The following SORCS1 variants were observed in gnomAD, a reference collection of about 807,000 sequenced individuals.
SORCS1 encodes the protein VPS10 domain-containing receptor SorCS1.
Under a neutral mutation model 146.1 loss-of-function variants are expected in SORCS1, and 60 were observed. The ratio of observed to expected loss-of-function variants is 0.41; its 90% CI spans 0.33 to 0.51. The LOEUF is 0.51. Among genes scored for constraint, SORCS1 ranks in the 20% least tolerant of loss-of-function variants. The pLI, the probability that SORCS1 is intolerant of heterozygous loss-of-function variation, is 0.21. For missense variants in SORCS1, 1,352 were observed against 1,487.6 expected (o/e 0.91, Z 1.50); for synonymous variants, 637 against 584.0 (o/e 1.09, Z -1.31).
chr10:106,944,871 C>CTTTTTTTTTTTTTTTTTTTTTTTTTTT, intron 2 of SORCS1, among the ~76,000 whole-genome samples: 1 of 61,024 alleles, frequency 1.6e-5, no homozygotes, highest in South Asian at 5.8e-4. Flanking sequence ...AAGAAAGAGC[C>CTTTTTTTTTTTTTTTTTTTTTTTTTTT]TTCTTTTTTT....
At chr10:106,897,669 C>T (rs888954621) in intron 2 of SORCS1, among the ~76,000 whole-genome samples, 83 of 151,902 alleles carry the variant, frequency 5.5e-4, no homozygotes, top group African/African-American at 1.9e-3. Context: ...CTTCCCAACA[C>T]TCAAATTTCC....
In SORCS1 at chr10:106,777,687, C is replaced by A. The variant is rs17121490; in HGVS notation, c.727-995G>T. On this transcript the variant is annotated intron_variant, in intron 3 of 25. Coordinates refer to ENST00000263054, the MANE Select transcript of SORCS1 (RefSeq NM_052918.5). ...GCAATGGGATCAATCACAATAGCAG[C>A]AAGATGGAGGAGCTGCCTTCGAAAC... 1.2e-3 allele frequency among the ~76,000 whole-genome samples: 185 copies of A among 152,302 alleles called. 6 individuals are homozygous for A. The East Asian group carries it at 0.026, about 21-fold the overall frequency.
Position 106,577,408 on chromosome 10 carries a change from T to G in SORCS1, c.*12A>C. On this transcript the variant is annotated 3_prime_UTR_variant, in exon 26 of 26. Coordinates refer to ENST00000263054, the MANE Select transcript of SORCS1 (RefSeq NM_052918.5). The stretch of plus-strand genomic sequence containing the variant: ...TGATCAGCAGGTCGCCTGTAGCCTT[T>G]GGGGGTTTTCCTTAAATTGCATACT... 6.2e-7 allele frequency: 1 copy of G among 1,613,834 alleles called. No individual in the cohort carries two copies. Among genetic ancestry groups the G allele is most frequent in the Non-Finnish European group, 8.5e-7 (1 of 1,179,768 alleles).
intron 5 of SORCS1, among the ~76,000 whole-genome samples, chr10:106,735,443 A>C (rs186241934): frequency 1.1e-3 from 165 of 152,308 alleles, no homozygotes; most frequent in African/African-American, 3.8e-3. Context: ...GTGCTATTTG[A>C]AGACACAGGA....
chr10:107,021,078 T>C (rs544728271), intron 1 of SORCS1, among the ~76,000 whole-genome samples: 9 of 152,258 alleles, frequency 5.9e-5, no homozygotes, highest in Admixed American at 1.3e-4. Flanking sequence ...AGGGTTTGGG[T>C]GCACACATGA....
At chr10:107,072,507 T>A (rs1962519117) in intron 1 of SORCS1, among the ~76,000 whole-genome samples, 1 of 152,116 alleles carries the variant, frequency 6.6e-6, no homozygotes, top group African/African-American at 2.4e-5. Context: ...TTTCACTTAA[T>A]CTTCATAACA....
chr10:107,110,806 G>A (rs1965645220), intron 1 of SORCS1, among the ~76,000 whole-genome samples: 2 of 152,194 alleles, frequency 1.3e-5, no homozygotes, highest in Admixed American at 1.3e-4. Flanking sequence ...GGACCTGGAG[G>A]AAGTCACTCC....
chr10:106,723,415 A>ACACG (rs1220942240), intron 6 of SORCS1, among the ~76,000 whole-genome samples: 3 of 151,922 alleles, frequency 2.0e-5, no homozygotes, highest in Non-Finnish European at 4.4e-5. Flanking sequence ...ACACACACAC[A>ACACG]CACAGAATAT....
intron 3 of SORCS1, among the ~76,000 whole-genome samples, chr10:106,814,954 C>T (rs1483779698): frequency 6.9e-6 from 1 of 144,966 alleles, no homozygotes; most frequent in Non-Finnish European, 1.5e-5. Context: ...TATATTCTGT[C>T]CTTTTATTTA....
chr10:106,653,515 T>C (rs1320394563), intron 17 of SORCS1, among the ~76,000 whole-genome samples: 1 of 152,192 alleles, frequency 6.6e-6, no homozygotes, highest in Admixed American at 6.5e-5. Flanking sequence ...TATGTAGACT[T>C]TGTCACAACT....
intron 2 of SORCS1, among the ~76,000 whole-genome samples, chr10:106,880,295 T>C (rs561875231): frequency 6.6e-6 from 1 of 152,324 alleles, no homozygotes; most frequent in African/African-American, 2.4e-5. Flanking sequence ...CATTTAAAGA[T>C]ACTATGAAAT....
chr10:106,943,731 A>G (rs1020520135), intron 2 of SORCS1, among the ~76,000 whole-genome samples: 2 of 151,798 alleles, frequency 1.3e-5, no homozygotes, highest in African/African-American at 2.4e-5. Context: ...AATGGCGTGA[A>G]CCCGGGAGGC....
chr10:107,044,817 A>G (rs1051544400), intron 1 of SORCS1, among the ~76,000 whole-genome samples: 1 of 148,568 alleles, frequency 6.7e-6, no homozygotes, highest in African/African-American at 2.5e-5. Context: ...GTCTCAATAA[A>G]AAAAAAAAAA....
intron 9 of SORCS1, among the ~76,000 whole-genome samples, chr10:106,692,375 T>C (rs886243894): frequency 1.3e-5 from 2 of 152,164 alleles, no homozygotes; most frequent in Non-Finnish European, 2.9e-5. Flanking sequence ...CCCTGTTTTT[T>C]TTCCTACTGA....
chr10:106,989,680 GTTTTTT>G (rs761689988), intron 1 of SORCS1, among the ~76,000 whole-genome samples: 3 of 70,360 alleles, frequency 4.3e-5, no homozygotes, highest in East Asian at 3.2e-4. Flanking sequence ...GTTTTTTTTT[GTTTTTT>G]TTTTTTTTTT....
At chr10:106,830,976 C>T (rs1948519207) in intron 2 of SORCS1, among the ~76,000 whole-genome samples, 2 of 151,770 alleles carry the variant, frequency 1.3e-5, no homozygotes, top group Non-Finnish European at 1.5e-5. Flanking sequence ...AGGCAGGTCA[C>T]GAGGTCAGGA....
At chr10:106,939,180 T>G (rs1228182326) in intron 2 of SORCS1, among the ~76,000 whole-genome samples, 3 of 152,184 alleles carry the variant, frequency 2.0e-5, no homozygotes, top group African/African-American at 7.2e-5. Flanking sequence ...CCAATCAAGT[T>G]CCAAAGATTT....
intron 6 of SORCS1, among the ~76,000 whole-genome samples, chr10:106,724,710 T>G (rs1262884911): frequency 1.3e-5 from 2 of 152,194 alleles, no homozygotes; most frequent in Non-Finnish European, 2.9e-5. Flanking sequence ...CAAACCCAGA[T>G]AAGAATTCAC....
At chr10:106,632,124 A>G (rs1014561316) in intron 18 of SORCS1, among the ~76,000 whole-genome samples, 2 of 152,130 alleles carry the variant, frequency 1.3e-5, no homozygotes, top group Non-Finnish European at 2.9e-5. Context: ...TATTAGGTTT[A>G]ACATGCACCT....
Sources: allele counts gnomAD v4.1 joint callset (sites outside exome capture counted in the v4.1 genomes callset), GRCh38; gene constraint gnomAD v4.1.1; transcripts MANE v1.5; gene names NCBI Gene and HGNC (gene_info 2026-07-23, HGNC 2026-07-21).